NADK2: variants seen among roughly 807,000 people sequenced by gnomAD.
NADK2 encodes NAD kinase 2, mitochondrial, also known as NAD kinase domain-containing protein 1, mitochondrial.
A neutral mutation model predicts 62.1 loss-of-function variants in NADK2; 35 were observed. That is an observed-to-expected ratio of 0.56 (90% CI 0.43 to 0.75). NADK2 has a LOEUF of 0.75. Ranked by LOEUF, NADK2 falls within the 30% of genes least tolerant of loss-of-function variation. The pLI is 0.00. For missense variants in NADK2, 439 were observed against 561.3 expected, an observed-to-expected ratio of 0.78 and a Z score of 2.20; for synonymous variants, 205 against 207.9, an observed-to-expected ratio of 0.99 and a Z score of 0.12.
intron 1 of NADK2, among the ~76,000 whole-genome samples, chr5:36,240,160 A>C (rs1748053331): frequency 6.6e-6 from 1 of 152,084 alleles, no homozygotes; most frequent in Admixed American, 6.5e-5. Context: ...CCTAATACAA[A>C]CTCAACTACT....
At chr5:36,206,544 G>A (rs1185052740) in intron 8 of NADK2, among the ~76,000 whole-genome samples, 1 of 151,964 alleles carries the variant, frequency 6.6e-6, no homozygotes, top group Non-Finnish European at 1.5e-5. Context: ...TTTCTCTAGA[G>A]CATGGAGTCA....
intron 4 of NADK2, among the ~76,000 whole-genome samples, chr5:36,222,271 A>T (rs997427463): frequency 5.9e-5 from 9 of 152,142 alleles, no homozygotes; most frequent in Non-Finnish European, 1.0e-4. Flanking sequence ...TTAGGGGGAC[A>T]TAGGCCTTCT....
intron 6 of NADK2, 112 bp downstream of exon 6, chr5:36,217,636 A>G: frequency 9.1e-7 from 1 of 1,101,262 alleles, no homozygotes; most frequent in South Asian, 1.4e-5. Context: ...TACTTTGTTA[A>G]GTGCTATTAA....
At chr5:36,200,940 T>C (rs1480504651) in intron 9 of NADK2, among the ~76,000 whole-genome samples, 166 bp downstream of exon 9, 2 of 152,008 alleles carry the variant, frequency 1.3e-5, no homozygotes, top group African/African-American at 4.8e-5. Context: ...AGATTTACAA[T>C]CAGATATATG....
intron 6 of NADK2, chr5:36,212,917 C>G (rs1359364676): frequency 1.3e-5 from 2 of 152,304 alleles, no homozygotes; most frequent in Non-Finnish European, 2.9e-5. Context: ...ATGTGACCAA[C>G]AGAATATGGC....
rs141224439 is a variant in NADK2 at position 36,219,625 on chromosome 5, G to A, written c.615C>T (p.Ala205=). 6.2e-7 allele frequency: 1 copy of A among 1,614,020 alleles called. No individual in the cohort carries two copies. Among genetic ancestry groups the A allele is most frequent in the East Asian group, 2.2e-5 (1 of 44,868 alleles). Residue 205 remains alanine (A), a synonymous_variant, in exon 5 of 12, where the codon GCC becomes GCT. Transcript: ENST00000381937. ...ACTCACCACGATAGAACTTCTGTAA[G>A]GCTTCTGGAAAGGAATGTGTATATC... ...PVRYTHSFPE[A]LQKFYRGEFR...
chr5:36,242,122 CG>C, upstream of NADK2: 2 of 156,256 alleles, frequency 1.3e-5, no homozygotes, highest in Middle Eastern at 3.1e-3. Flanking sequence ...CTTCGCCGCC[CG>C]GGGGCGACCT....
chr5:36,200,470 T>C (rs542573912), intron 9 of NADK2, among the ~76,000 whole-genome samples, 190 bp from the exon 10 acceptor site: 11 of 151,942 alleles, frequency 7.2e-5, no homozygotes, highest in Non-Finnish European at 1.5e-4. Flanking sequence ...AAATAAACAG[T>C]AGCCCCCCCT....
chr5:36,235,115 T>C (rs964300360), intron 1 of NADK2, among the ~76,000 whole-genome samples: 1 of 152,190 alleles, frequency 6.6e-6, no homozygotes, highest in Non-Finnish European at 1.5e-5. Context: ...ATATTGCCAA[T>C]AGTGACACTG....
intron 7 of NADK2, among the ~76,000 whole-genome samples, 154 bp downstream of exon 7, chr5:36,211,690 C>G (rs1229750307): frequency 6.6e-6 from 1 of 152,180 alleles, no homozygotes; most frequent in East Asian, 1.9e-4. Flanking sequence ...ATATTAACAT[C>G]TATGAAGGTT....
In NADK2 at chr5:36,219,668, T is replaced by C. The variant is rs1747185464; in HGVS notation, c.572A>G (p.His191Arg). 6.2e-7 allele frequency: 1 copy of C among 1,613,674 alleles called. No homozygotes were observed. Among genetic ancestry groups the C allele is most frequent in the Non-Finnish European group, 8.5e-7 (1 of 1,179,824 alleles). ...VNTDPERSEG[H>R]LCLPVRYTHS... is the part of the protein sequence containing the mutation. ...TGTATATCGAACGGGCAGGCATAAA[T>C]GACCCTCAGACCTATATTTTAACAG... The change falls in exon 5 of 12, where the codon CAT becomes CGT. Residue 191 changes from histidine to arginine, a missense_variant. Physicochemically the swap from His to Arg is conservative, Grantham distance 29. Coordinates refer to ENST00000381937, the MANE Select transcript of NADK2 (RefSeq NM_001085411.3).
In NADK2 at chr5:36,194,966, T is replaced by C. The variant is rs1208173189; in HGVS notation, c.*178A>G. The C allele has an allele frequency of 8.5e-6, 5 of 589,720 alleles. No homozygotes were observed. Among genetic ancestry groups the C allele is most frequent in the African/African-American group, 3.9e-5 (2 of 51,902 alleles). 36.5% of individuals were successfully genotyped at this position (589,720 alleles called of 1,614,324 possible). A position where few individuals can be genotyped will look rare whatever the true frequency, so the allele number is the denominator to read the frequency against. On this transcript the variant is annotated 3_prime_UTR_variant, in exon 12 of 12. Coordinates refer to ENST00000381937, the MANE Select transcript of NADK2 (RefSeq NM_001085411.3). ...TTGGTTCAGTCCATCCATTTTCTTA[T>C]ACAGTGAATGTCTTTTTTTCTATCA...
At chr5:36,228,337 T>C (rs901394083) in intron 1 of NADK2, among the ~76,000 whole-genome samples, 3 of 152,282 alleles carry the variant, frequency 2.0e-5, no homozygotes, top group African/African-American at 7.2e-5. Flanking sequence ...AGTAGGAAAT[T>C]TGTCCACTAG....
Position 36,217,794 on chromosome 5 carries a change from C to T in NADK2, c.735G>A (p.Leu245=). ...PVDLHEQQLS[L]NQHNRALNIE... is the part of the protein sequence containing the mutation. Reference sequence around the variant, plus strand: ...TGTTAAGGGCTCTATTGTGCTGATTCAAGCTTAGCTGCTGCTCGTGAAGGT... The same window carrying T: ...TGTTAAGGGCTCTATTGTGCTGATTTAAGCTTAGCTGCTGCTCGTGAAGGT... The change falls in exon 6 of 12, where the codon TTG becomes TTA. Residue 245 remains leucine (L), a synonymous_variant. Coordinates refer to ENST00000381937, the MANE Select transcript of NADK2 (RefSeq NM_001085411.3). 6.2e-7 allele frequency: 1 copy of T among 1,613,968 alleles called. No homozygotes were observed. Among genetic ancestry groups the T allele is most frequent in the Non-Finnish European group, 8.5e-7 (1 of 1,179,912 alleles).
At position 36,241,380 on chromosome 5, in the gene NADK2, G is replaced by A; in HGVS notation, c.300+119C>T. 2 of 1,353,088 alleles carry A rather than the reference G, an allele frequency of 1.5e-6. No individual in the cohort carries two copies. Among genetic ancestry groups the A allele is most frequent in the Non-Finnish European group, 1.9e-6 (2 of 1,054,790 alleles). The allele number at this position is 1,353,088 out of a possible 1,614,324, so 83.8% of individuals were successfully genotyped here. A position where few individuals can be genotyped will look rare whatever the true frequency, so the allele number is the denominator to read the frequency against. On this transcript the variant is annotated intron_variant, in intron 1 of 11. Coordinates refer to ENST00000381937, the MANE Select transcript of NADK2 (RefSeq NM_001085411.3). The surrounding 1 kb of genome is among the most constrained non-coding windows in gnomAD (Gnocchi z 4.9). ...GGACCTGGGGGCCGCGAGAGAGGCA[G>A]GACCGGCATCTGCGGTGCCCTGGGA...
In NADK2 at chr5:36,194,968, C is replaced by T; in HGVS notation, c.*176G>A. 1 of 590,626 alleles carries T rather than the reference C, an allele frequency of 1.7e-6. No individual in the cohort carries two copies. The allele number at this position is 590,626 out of a possible 1,614,324, so 36.6% of individuals were successfully genotyped here. A position where few individuals can be genotyped will look rare whatever the true frequency, so the allele number is the denominator to read the frequency against. ...GGTTCAGTCCATCCATTTTCTTATA[C>T]AGTGAATGTCTTTTTTTCTATCAGA... is the stretch of plus-strand genomic sequence containing the variant. On this transcript the variant is annotated 3_prime_UTR_variant, in exon 12 of 12. Transcript: ENST00000381937.
At chr5:36,220,975 T>A (rs1747244920) in intron 4 of NADK2, 2 of 152,208 alleles carry the variant, frequency 1.3e-5, no homozygotes, top group Non-Finnish European at 2.9e-5. Context: ...CCAATACAGA[T>A]GCTGCAATAC....
intron 3 of NADK2, 118 bp from the exon 4 acceptor site, chr5:36,225,741 G>A (rs1056637780): frequency 2.7e-6 from 2 of 731,752 alleles, no homozygotes; most frequent in Non-Finnish European, 4.6e-6. Context: ...AACCGCTATA[G>A]CCTATCCCAC....
chr5:36,219,503 G>T, intron 5 of NADK2, 93 bp downstream of exon 5: 1 of 1,113,784 alleles, frequency 9.0e-7, no homozygotes, highest in Non-Finnish European at 1.3e-6. Flanking sequence ...GAGATACCGT[G>T]CCCTGCCTGA....
Sources: allele counts gnomAD v4.1 joint callset (sites outside exome capture counted in the v4.1 genomes callset), GRCh38; gene constraint gnomAD v4.1.1; non-coding constraint Gnocchi (gnomAD v3.1); transcripts MANE v1.5; gene names NCBI Gene and HGNC (gene_info 2026-07-23, HGNC 2026-07-21).